CPNE8: variants seen among roughly 807,000 people sequenced by gnomAD.
CPNE8 encodes the protein copine-8.
A neutral mutation model predicts 81.5 loss-of-function variants in CPNE8; 45 were observed. The observed-to-expected ratio is 0.55, with a 90% confidence interval of 0.44 to 0.71. The LOEUF is 0.71. Ranked by LOEUF, CPNE8 falls within the 30% of genes least tolerant of loss-of-function variation. The probability of loss-of-function intolerance (pLI) is 0.00; values close to 1 mark genes in which losing one functional copy is unlikely to be tolerated. For synonymous variants in CPNE8, 252 were observed against 226.3 expected, an observed-to-expected ratio of 1.11 and a Z score of -1.02; for missense variants, 594 against 672.1, an observed-to-expected ratio of 0.88 and a Z score of 1.28.
chr12:38,656,369 T>G (rs528314812), intron 19 of CPNE8, among the ~76,000 whole-genome samples: 2 of 151,384 alleles, frequency 1.3e-5, no homozygotes, highest in Admixed American at 1.3e-4. Flanking sequence ...TTTGAAAATG[T>G]ATGTAGCTAA....
At chr12:38,858,334 C>G (rs142021283) in intron 3 of CPNE8, among the ~76,000 whole-genome samples, 3 of 152,268 alleles carry the variant, frequency 2.0e-5, no homozygotes, top group African/African-American at 7.2e-5. Flanking sequence ...TAGCTTCACC[C>G]AGAAAAGAAT....
chr12:38,808,781 T>G (rs1942875800), intron 6 of CPNE8, among the ~76,000 whole-genome samples: 1 of 151,264 alleles, frequency 6.6e-6, no homozygotes, highest in African/African-American at 2.4e-5. Context: ...AAAAAAAGAC[T>G]ATATAAAAAA....
intron 6 of CPNE8, among the ~76,000 whole-genome samples, chr12:38,797,597 G>GA (rs1270035975): frequency 1.3e-5 from 2 of 152,014 alleles, no homozygotes; most frequent in African/African-American, 2.4e-5. Context: ...CAAAGATGGG[G>GA]AAAAAACAGA....
chr12:38,905,307 A>G (rs1291073058), intron 1 of CPNE8, 130 bp downstream of exon 1: 15 of 1,030,564 alleles, frequency 1.5e-5, no homozygotes, highest in Non-Finnish European at 1.7e-5. Flanking sequence ...CAGCCCCACT[A>G]CTGAGATATT....
chr12:38,797,608 G>A lies in CPNE8; in HGVS notation c.408-21307C>T, dbSNP rs892511568. On this transcript the variant is annotated intron_variant, in intron 6 of 19. Transcript: ENST00000331366. ...ACCACAAAGATGGGGAAAAAACAGA[G>A]CAGAAAAACTGGAAACTCTAAAAAG... Among the ~76,000 whole-genome samples the A allele has an allele frequency of 5.9e-5, 9 of 152,150 alleles. 1 individual carries two copies. The highest frequency in any genetic ancestry group is 8.8e-5 in the Non-Finnish European group (6 of 68,028).
intron 10 of CPNE8, among the ~76,000 whole-genome samples, chr12:38,731,826 C>T (rs534598257): frequency 4.6e-5 from 7 of 152,016 alleles, no homozygotes; most frequent in Non-Finnish European, 1.0e-4. Context: ...AATCCGGTAA[C>T]ATTGGTTTAA....
intron 8 of CPNE8, among the ~76,000 whole-genome samples, chr12:38,764,635 A>G (rs530892037): frequency 2.5e-4 from 38 of 151,226 alleles, no homozygotes; most frequent in African/African-American, 6.0e-4. Flanking sequence ...AAAAAAAAAA[A>G]AAAAGAAAAA....
chr12:38,749,994 T>G (rs926616165), intron 10 of CPNE8, among the ~76,000 whole-genome samples: 2 of 152,138 alleles, frequency 1.3e-5, no homozygotes, highest in African/African-American at 4.8e-5. Context: ...GAGGCCTAGA[T>G]GCCTAGGAGA....
intron 10 of CPNE8, among the ~76,000 whole-genome samples, chr12:38,734,614 C>G (rs1189055568): frequency 2.0e-5 from 3 of 151,996 alleles, no homozygotes. Context: ...ACCATGTTGT[C>G]TTGAGTCAGT....
intron 6 of CPNE8, among the ~76,000 whole-genome samples, chr12:38,789,150 C>T (rs1351849007): frequency 6.6e-6 from 1 of 151,768 alleles, no homozygotes; most frequent in Non-Finnish European, 1.5e-5. Context: ...CCAAAACTAT[C>T]CTAAGCAAAA....
intron 6 of CPNE8, among the ~76,000 whole-genome samples, chr12:38,815,066 TGTC>T (rs765215336): frequency 7.9e-5 from 12 of 152,184 alleles, no homozygotes; most frequent in African/African-American, 1.7e-4. Flanking sequence ...CCTTCTATGG[TGTC>T]GTCAACCCCA....
At chr12:38,678,051 G>A (rs1939331209) in intron 16 of CPNE8, among the ~76,000 whole-genome samples, 1 of 151,940 alleles carries the variant, frequency 6.6e-6, no homozygotes, top group African/African-American at 2.4e-5. Context: ...AATCATAAGT[G>A]CTTTTGGTTT....
chr12:38,655,780 GAAGAA>G (rs916651078), intron 19 of CPNE8, among the ~76,000 whole-genome samples: 6 of 151,934 alleles, frequency 3.9e-5, no homozygotes, highest in East Asian at 1.9e-4. Context: ...TAAAAGAAGA[GAAGAA>G]AACTATTCCT....
intron 18 of CPNE8, 130 bp downstream of exon 18, chr12:38,675,587 T>C (rs1300359061): frequency 3.2e-6 from 2 of 630,020 alleles, no homozygotes; most frequent in Admixed American, 2.9e-5. Context: ...TATGGACACA[T>C]GAACATTATA....
chr12:38,710,927 G>GT (rs113502162), intron 13 of CPNE8, among the ~76,000 whole-genome samples: 7 of 152,082 alleles, frequency 4.6e-5, no homozygotes, highest in Non-Finnish European at 8.8e-5. Context: ...CTAAGCTACT[G>GT]TTTTTTTGTA....
chr12:38,848,115 CT>C (rs1943586272), intron 4 of CPNE8, among the ~76,000 whole-genome samples: 1 of 152,114 alleles, frequency 6.6e-6, no homozygotes, highest in Non-Finnish European at 1.5e-5. Context: ...ATTTAAAATG[CT>C]GACTCGATTA....
chr12:38,752,612 A>G (rs536233644), intron 10 of CPNE8, among the ~76,000 whole-genome samples: 1 of 152,348 alleles, frequency 6.6e-6, no homozygotes, highest in Admixed American at 6.5e-5. Flanking sequence ...AACTTGAGAG[A>G]GAAAAGGCAG....
At chr12:38,736,054 C>T (rs1033285061) in intron 10 of CPNE8, among the ~76,000 whole-genome samples, 24 of 151,910 alleles carry the variant, frequency 1.6e-4, no homozygotes, top group Admixed American at 1.2e-3. Flanking sequence ...ATAGATAAAA[C>T]CACTCTCATA....
At chr12:38,900,705 CTT>C (rs555185201) in intron 1 of CPNE8, among the ~76,000 whole-genome samples, 2 of 152,046 alleles carry the variant, frequency 1.3e-5, no homozygotes, top group Non-Finnish European at 2.9e-5. Context: ...GGGACTGTAC[CTT>C]TTATAAGTAT....
Sources: allele counts gnomAD v4.1 joint callset (sites outside exome capture counted in the v4.1 genomes callset), GRCh38; gene constraint gnomAD v4.1.1; transcripts MANE v1.5; gene names NCBI Gene and HGNC (gene_info 2026-07-23, HGNC 2026-07-21).